Variants in PKD1L1 observed in about 807,000 individuals in gnomAD.
The protein encoded by PKD1L1 is polycystin-1-like protein 1.
A neutral mutation model predicts 323.4 loss-of-function variants in PKD1L1; 236 were observed. The observed-to-expected ratio is 0.73, with a 90% confidence interval of 0.66 to 0.81. PKD1L1 has a LOEUF of 0.81. PKD1L1 is among the 40% of genes least tolerant of loss of function. The probability of loss-of-function intolerance (pLI) is 0.00; values close to 1 mark genes in which losing one functional copy is unlikely to be tolerated. For missense variants in PKD1L1, 3,320 were observed against 3,508.0 expected, an observed-to-expected ratio of 0.95 and a Z score of 1.35; for synonymous variants, 1,344 against 1,335.0, an observed-to-expected ratio of 1.01 and a Z score of -0.15.
intron 21 of PKD1L1, among the ~76,000 whole-genome samples, chr7:47,880,261 TATACATATATATATATATATATA>T: frequency 1.1e-5 from 1 of 93,874 alleles, no homozygotes; most frequent in African/African-American, 5.5e-5. Context: ...TATATATATA[TATACATATATATATATATATATA>T]TTTTTTTTTT....
chr7:47,949,230 A>G (rs1234249105), upstream of PKD1L1, among the ~76,000 whole-genome samples: 5 of 151,732 alleles, frequency 3.3e-5, no homozygotes, highest in East Asian at 9.8e-4. Context: ...TTAGCCAGGC[A>G]TGGTGGCACG....
At position 47,789,441 on chromosome 7, in the gene PKD1L1, T is replaced by A. The variant is rs1366686548; in HGVS notation, c.8526+3186A>T. Among the ~76,000 whole-genome samples, 3 of 152,262 alleles carry A rather than the reference T, an allele frequency of 2.0e-5. No homozygotes were observed. The East Asian group carries it at 5.8e-4, about 29-fold the overall frequency. On this transcript the variant is annotated intron_variant, in intron 56 of 56. Transcript: ENST00000289672. ...ATATTTAGATACATTAGCCAATAAT[T>A]TGTCAATTTAATTGTTCGTAAAAAG...
the PKD1L1 span, among the ~76,000 whole-genome samples, chr7:47,959,608 A>C: frequency 8.4e-6 from 1 of 119,178 alleles, no homozygotes; most frequent in Non-Finnish European, 1.9e-5. Flanking sequence ...ATGAGAAGTG[A>C]GGAGCCCCTC....
At chr7:47,864,112 G>C (rs1786095370) in intron 26 of PKD1L1, among the ~76,000 whole-genome samples, 1 of 152,124 alleles carries the variant, frequency 6.6e-6, no homozygotes, top group Non-Finnish European at 1.5e-5. Context: ...AGGCAAGGTG[G>C]GCAGGAGCAG....
At chr7:47,891,653 A>C (rs528161423) in intron 15 of PKD1L1, among the ~76,000 whole-genome samples, 157 of 152,362 alleles carry the variant, frequency 1.0e-3, no homozygotes, top group Non-Finnish European at 1.8e-3. Context: ...GCTCAGCAGG[A>C]GCACTGCCTC....
chr7:47,872,280 G>C (rs1786298480), intron 24 of PKD1L1, among the ~76,000 whole-genome samples: 1 of 152,190 alleles, frequency 6.6e-6, no homozygotes. Flanking sequence ...TGTTTTTGCA[G>C]AAATCGACAG....
At chr7:47,832,291 G>A (rs1004899443) in intron 41 of PKD1L1, among the ~76,000 whole-genome samples, 1 of 152,150 alleles carries the variant, frequency 6.6e-6, no homozygotes, top group Non-Finnish European at 1.5e-5. Context: ...TCCAGCCCAG[G>A]CCACGTGTCC....
At chr7:47,804,649 AT>A (rs1325165887) in intron 52 of PKD1L1, among the ~76,000 whole-genome samples, 2 of 150,666 alleles carry the variant, frequency 1.3e-5, no homozygotes, top group South Asian at 2.1e-4. Context: ...TATTATTTTT[AT>A]TTTTTTTGCA....
intron 31 of PKD1L1, among the ~76,000 whole-genome samples, chr7:47,850,018 G>T (rs1247818880): frequency 6.6e-6 from 1 of 152,158 alleles, no homozygotes; most frequent in Non-Finnish European, 1.5e-5. Context: ...GGGGACTTAG[G>T]GGTAAGGATG....
chr7:47,882,809 C>T (rs938151694), intron 19 of PKD1L1, among the ~76,000 whole-genome samples: 1 of 152,102 alleles, frequency 6.6e-6, no homozygotes, highest in Non-Finnish European at 1.5e-5. Flanking sequence ...CTGGAGGGAC[C>T]TGTCAGGAGA....
intron 21 of PKD1L1, among the ~76,000 whole-genome samples, chr7:47,879,709 A>G (rs57503513): frequency 0.32 from 42,181 of 132,114 alleles, 8,307 homozygotes; most frequent in African/African-American, 0.51. Context: ...TGAGACGGGC[A>G]GATCACAAGG....
intron 7 of PKD1L1, among the ~76,000 whole-genome samples, chr7:47,917,357 A>G (rs1275368191): frequency 1.3e-5 from 2 of 152,110 alleles, no homozygotes; most frequent in Non-Finnish European, 2.9e-5. Flanking sequence ...AAGAATAATC[A>G]GTGTTCCTGA....
At position 47,943,023 on chromosome 7, in the gene PKD1L1, G is replaced by A. The variant is rs530416495; in HGVS notation, c.160+373C>T. Among the ~76,000 whole-genome samples, 11 of 151,762 alleles carry A rather than the reference G, an allele frequency of 7.2e-5. No homozygotes were observed. The South Asian group carries it at 1.9e-3, about 26-fold the overall frequency. On this transcript the variant is annotated intron_variant, in intron 2 of 56. Coordinates refer to ENST00000289672, the MANE Select transcript of PKD1L1 (RefSeq NM_138295.5). ...TAGCTGGGCGTGGTGGCGGACGCCTGTAGTCCCAGCTACTCAGGAGGCTGA... is the reference window on the plus strand; with the variant it reads ...TAGCTGGGCGTGGTGGCGGACGCCTATAGTCCCAGCTACTCAGGAGGCTGA...
At chr7:47,903,734 G>A (rs927276539) in intron 12 of PKD1L1, among the ~76,000 whole-genome samples, 1 of 152,166 alleles carries the variant, frequency 6.6e-6, no homozygotes, top group Admixed American at 6.5e-5. Context: ...CCAGCCTGAG[G>A]CTCAGCCTTG....
chr7:47,910,337 T>C (rs1454717875), intron 8 of PKD1L1, among the ~76,000 whole-genome samples: 1 of 134,016 alleles, frequency 7.5e-6, no homozygotes, highest in Non-Finnish European at 1.5e-5. Context: ...CTTACTTTCT[T>C]TTTTTTTTTT....
At chr7:47,789,657 C>T (rs1933028382) in intron 56 of PKD1L1, among the ~76,000 whole-genome samples, 1 of 152,116 alleles carries the variant, frequency 6.6e-6, no homozygotes, top group South Asian at 2.1e-4. Flanking sequence ...ACTTTATATA[C>T]CATGGGATTT....
At chr7:47,865,299 A>G in intron 25 of PKD1L1, 27 bp from the exon 26 acceptor site, 1 of 1,599,416 alleles carries the variant, frequency 6.3e-7, no homozygotes, top group Non-Finnish European at 8.5e-7. Flanking sequence ...ACAATAAAAC[A>G]AAAAGAAAAT....
At chr7:47,929,032 A>G (rs1229424189) in intron 7 of PKD1L1, among the ~76,000 whole-genome samples, 172 bp downstream of exon 7, 1 of 152,214 alleles carries the variant, frequency 6.6e-6, no homozygotes, top group African/African-American at 2.4e-5. Flanking sequence ...ACAGTGCACA[A>G]ACCCACCTAC....
At chr7:47,788,745 GC>G (rs1438026565) in intron 56 of PKD1L1, among the ~76,000 whole-genome samples, 8 of 151,244 alleles carry the variant, frequency 5.3e-5, no homozygotes, top group Non-Finnish European at 1.0e-4. Flanking sequence ...ACAGGTGCCC[GC>G]CACCACACCC....
Sources: allele counts gnomAD v4.1 joint callset (sites outside exome capture counted in the v4.1 genomes callset), GRCh38; gene constraint gnomAD v4.1.1; transcripts MANE v1.5; gene names NCBI Gene and HGNC (gene_info 2026-07-23, HGNC 2026-07-21).